Variants in GRID2 observed in about 807,000 individuals in gnomAD.
GRID2 encodes glutamate ionotropic receptor delta type subunit 2.
In GRID2, 33 loss-of-function variants were observed where a neutral mutation model predicts 114.8. The observed-to-expected ratio is 0.29, with a 90% confidence interval of 0.22 to 0.38. GRID2 has a LOEUF of 0.38. Among genes scored for constraint, GRID2 ranks in the 10% least tolerant of loss-of-function variants. The probability of loss-of-function intolerance (pLI) is 1.00; values close to 1 mark genes in which losing one functional copy is unlikely to be tolerated. For missense variants in GRID2, 1,184 were observed against 1,257.7 expected (o/e 0.94, Z 0.89); for synonymous variants, 505 against 449.9 (o/e 1.12, Z -1.55).
chr4:93,772,228 A>C lies in GRID2; in HGVS notation c.2754A>C (p.Gln918His). The stretch of plus-strand genomic sequence containing the variant: ...TGCCAACACGACAAGCACTGGAGCA[A>C]ATCAGTGATTTCAGGAACACTCATA... ...DTLPTRQALE[Q>H]ISDFRNTHIT... is the part of the protein sequence containing the mutation. Residue 918 changes from glutamine to histidine, a missense_variant, in exon 16 of 16, where the codon CAA becomes CAC. Transcript: ENST00000282020. The C allele has an allele frequency of 6.2e-7, 1 of 1,614,074 alleles. No individual in the cohort carries two copies. The highest frequency in any genetic ancestry group is 8.5e-7 in the Non-Finnish European group (1 of 1,179,988).
At chr4:92,913,251 T>G (rs959969122) in intron 2 of GRID2, among the ~76,000 whole-genome samples, 2 of 151,890 alleles carry the variant, frequency 1.3e-5, no homozygotes, top group African/African-American at 2.4e-5. Flanking sequence ...CTCACCTTGG[T>G]TCTGTGAAAG....
Position 92,819,751 on chromosome 4 carries a change from T to C in GRID2, c.244+229465T>C, listed in dbSNP as rs542664266. On this transcript the variant is annotated intron_variant, in intron 2 of 15. Coordinates refer to ENST00000282020, the MANE Select transcript of GRID2 (RefSeq NM_001510.4). ...AACAAATTAGAGATATATTTTTTGC[T>C]CAGATGCTTAAAATATTTTTTTTCT... Among the ~76,000 whole-genome samples, 175 of 152,280 alleles carry C rather than the reference T, an allele frequency of 1.1e-3. 1 individual carries two copies. Among genetic ancestry groups the C allele is most frequent in the Admixed American group, 2.7e-3 (42 of 15,282 alleles).
chr4:92,953,844 A>G (rs1300818056), intron 2 of GRID2, among the ~76,000 whole-genome samples: 9 of 152,074 alleles, frequency 5.9e-5, no homozygotes, highest in Admixed American at 5.2e-4. Flanking sequence ...TTTTTAAACA[A>G]CTGAAACAAG....
intron 2 of GRID2, among the ~76,000 whole-genome samples, chr4:92,886,879 C>G (rs1746409361): frequency 6.6e-6 from 1 of 152,162 alleles, no homozygotes; most frequent in South Asian, 2.1e-4. Context: ...CCCGCCTCGG[C>G]CTCCCAAAGT....
At chr4:93,234,104 G>A (rs1746478859) in intron 7 of GRID2, among the ~76,000 whole-genome samples, 1 of 152,060 alleles carries the variant, frequency 6.6e-6, no homozygotes, top group East Asian at 1.9e-4. Flanking sequence ...ACCACAAACA[G>A]TATTGTCTTG....
chr4:93,194,096 A>G (rs914539432), intron 4 of GRID2, among the ~76,000 whole-genome samples: 2 of 152,180 alleles, frequency 1.3e-5, no homozygotes, highest in African/African-American at 4.8e-5. Flanking sequence ...CTACTCTTGA[A>G]CCTGGAATGG....
intron 2 of GRID2, among the ~76,000 whole-genome samples, chr4:92,864,722 T>C (rs1389511219): frequency 6.6e-6 from 1 of 152,150 alleles, no homozygotes; most frequent in African/African-American, 2.4e-5. Flanking sequence ...TACATTATTG[T>C]TTGTCATGGG....
At chr4:93,441,040 A>G (rs1392103099) in intron 10 of GRID2, among the ~76,000 whole-genome samples, 3 of 152,098 alleles carry the variant, frequency 2.0e-5, no homozygotes, top group South Asian at 2.1e-4. Flanking sequence ...TATTACAAAT[A>G]AAAAGATTTG....
intron 2 of GRID2, among the ~76,000 whole-genome samples, chr4:92,855,875 A>G (rs1295347351): frequency 6.6e-6 from 1 of 152,094 alleles, no homozygotes. Context: ...TTTTAAATAT[A>G]GGAAAGGTGA....
At chr4:92,466,039 A>G (rs1721735397) in intron 1 of GRID2, among the ~76,000 whole-genome samples, 1 of 151,770 alleles carries the variant, frequency 6.6e-6, no homozygotes, top group South Asian at 2.1e-4. Context: ...TTTGGGGGGT[A>G]CATACCAATG....
chr4:93,753,589 C>A (rs1025972933), intron 14 of GRID2, among the ~76,000 whole-genome samples: 6 of 152,052 alleles, frequency 3.9e-5, no homozygotes, highest in Admixed American at 3.9e-4. Context: ...TGAGAACATG[C>A]GGTGTTTGGT....
At chr4:92,884,804 T>C (rs906867585) in intron 2 of GRID2, 1 of 326,840 alleles carries the variant, frequency 3.1e-6, no homozygotes, top group Non-Finnish European at 6.2e-6. Flanking sequence ...ATTTAAAAAT[T>C]TCATGTTGAA....
At chr4:93,172,784 T>C (rs1016617212) in intron 4 of GRID2, among the ~76,000 whole-genome samples, 2 of 152,164 alleles carry the variant, frequency 1.3e-5, no homozygotes, top group African/African-American at 4.8e-5. Flanking sequence ...AGAGAAACTT[T>C]AATTGCACCA....
intron 8 of GRID2, among the ~76,000 whole-genome samples, chr4:93,287,381 G>T (rs967848600): frequency 2.6e-5 from 4 of 152,150 alleles, no homozygotes; most frequent in Admixed American, 2.6e-4. Flanking sequence ...CTCACTTTAG[G>T]CAGGTAGAAA....
chr4:93,069,093 G>C (rs1443501186), intron 2 of GRID2, among the ~76,000 whole-genome samples: 1 of 151,764 alleles, frequency 6.6e-6, no homozygotes, highest in Non-Finnish European at 1.5e-5. Flanking sequence ...GTATCGGGGG[G>C]CTGGTACTAA....
intron 8 of GRID2, among the ~76,000 whole-genome samples, chr4:93,316,014 G>C (rs1488238190): frequency 6.6e-6 from 1 of 152,190 alleles, no homozygotes; most frequent in African/African-American, 2.4e-5. Flanking sequence ...TTTTGATGAG[G>C]AGACTTGAGA....
At chr4:93,715,263 A>G (rs113690168) in intron 14 of GRID2, among the ~76,000 whole-genome samples, 6,404 of 151,998 alleles carry the variant, frequency 0.042, 220 homozygotes, top group African/African-American at 0.085. Context: ...TTACCTCTGC[A>G]TTCTCTATTT....
chr4:92,912,989 T>G (rs1748500978), intron 2 of GRID2, among the ~76,000 whole-genome samples: 1 of 151,848 alleles, frequency 6.6e-6, no homozygotes, highest in Non-Finnish European at 1.5e-5. Context: ...TTTTACTTCC[T>G]TATATACAAG....
chr4:92,486,019 G>C (rs1336899662), intron 1 of GRID2, among the ~76,000 whole-genome samples: 1 of 151,002 alleles, frequency 6.6e-6, no homozygotes, highest in Non-Finnish European at 1.5e-5. Flanking sequence ...TATGCTAATG[G>C]GTTCTCATTA....
Sources: gnomAD v4.1 joint callset for allele counts (sites outside exome capture counted in the v4.1 genomes callset) on GRCh38, gnomAD v4.1.1 for gene constraint, MANE v1.5 for transcripts, NCBI Gene and HGNC (gene_info 2026-07-23, HGNC 2026-07-21) for gene names.